Variants in ROBO2 observed in about 807,000 individuals in gnomAD.
ROBO2 encodes roundabout homolog 2.
Under a neutral mutation model 160.8 loss-of-function variants are expected in ROBO2, and 53 were observed. The ratio of observed to expected loss-of-function variants is 0.33; its 90% CI spans 0.26 to 0.41. The LOEUF is 0.41. Among genes scored for constraint, ROBO2 ranks in the 10% least tolerant of loss-of-function variants. ROBO2 has a pLI of 1.00. For missense variants in ROBO2, 1,577 were observed against 1,722.4 expected (o/e 0.92, Z 1.49); for synonymous variants, 664 against 611.7 (o/e 1.09, Z -1.26).
intron 2 of ROBO2, among the ~76,000 whole-genome samples, chr3:76,281,896 T>C (rs2107671321): frequency 6.6e-6 from 1 of 152,014 alleles, no homozygotes; most frequent in South Asian, 2.1e-4. Context: ...AGATAAAGTG[T>C]TCTCTGGTCT....
chr3:76,370,053 A>G (rs1576724632), intron 2 of ROBO2, among the ~76,000 whole-genome samples: 1 of 152,084 alleles, frequency 6.6e-6, no homozygotes. Flanking sequence ...AGTGTTTTTA[A>G]TGAAATAGAA....
intron 2 of ROBO2, among the ~76,000 whole-genome samples, chr3:77,392,778 AT>A (rs981526533): frequency 6.6e-6 from 1 of 152,160 alleles, no homozygotes; most frequent in African/African-American, 2.4e-5. Context: ...ACATAGTACT[AT>A]TTTTTTATTC....
intron 2 of ROBO2, among the ~76,000 whole-genome samples, chr3:76,822,427 T>C (rs1466042180): frequency 6.6e-6 from 1 of 152,032 alleles, no homozygotes; most frequent in Non-Finnish European, 1.5e-5. Context: ...AAAGAACTTA[T>C]GAGTTTCATT....
rs76145467 is a variant in ROBO2, at chr3:77,497,351, A to C, written c.806+3969A>C. Among the ~76,000 whole-genome samples, 1,120 of 152,240 alleles carry C rather than the reference A, an allele frequency of 7.4e-3. 15 individuals are homozygous for C. Among genetic ancestry groups the C allele is most frequent in the African/African-American group, 0.024 (981 of 41,574 alleles). On this transcript the variant is annotated intron_variant, in intron 5 of 25. Transcript: ENST00000461745. Reference sequence around the variant, plus strand: ...AAGTGAAAGGCATTTTATAGTTTATAATGATTATGATTTTTGAAGCACATT... The same window carrying C: ...AAGTGAAAGGCATTTTATAGTTTATCATGATTATGATTTTTGAAGCACATT...
intron 2 of ROBO2, among the ~76,000 whole-genome samples, chr3:76,614,810 T>TTAAC (rs2088437625): frequency 6.6e-6 from 1 of 152,158 alleles, no homozygotes; most frequent in South Asian, 2.1e-4. Context: ...TCACGGGTTA[T>TTAAC]TAACTGTACT....
chr3:76,237,953 G>A (rs1253878586), intron 2 of ROBO2, among the ~76,000 whole-genome samples: 6 of 152,130 alleles, frequency 3.9e-5, no homozygotes, highest in African/African-American at 1.4e-4. Context: ...TGTGTAGCTG[G>A]TGGGGACCTG....
intron 2 of ROBO2, among the ~76,000 whole-genome samples, chr3:75,978,862 T>TG (rs1297207080): frequency 6.6e-6 from 1 of 151,602 alleles, no homozygotes; most frequent in African/African-American, 2.4e-5. Context: ...ATCACTGGAA[T>TG]GGAGCGAAGT....
At position 77,040,876 on chromosome 3, in the gene ROBO2, G is replaced by T. The variant is rs1250747333; in HGVS notation, c.61+30G>T. ...GTTAAAAATGCTTTCATCTTTTTTT[G>T]CGCCCCCCACCCCCCAATCCCCCAA... On this transcript the variant is annotated intron_variant, in intron 1 of 25. Coordinates refer to ENST00000461745, the Ensembl canonical transcript of ROBO2. 2.5e-6 allele frequency: 4 copies of T among 1,612,550 alleles called. No individual in the cohort carries two copies. In the East Asian group the frequency reaches 8.9e-5, roughly 36 times the overall value.
intron 2 of ROBO2, among the ~76,000 whole-genome samples, chr3:76,934,883 A>C (rs2077586040): frequency 6.6e-6 from 1 of 152,138 alleles, no homozygotes; most frequent in Admixed American, 6.6e-5. Flanking sequence ...CAAAATAAAA[A>C]TTTAAGCCCT....
At chr3:76,530,749 A>G (rs1470446857) in intron 2 of ROBO2, among the ~76,000 whole-genome samples, 1 of 152,212 alleles carries the variant, frequency 6.6e-6, no homozygotes, top group African/African-American at 2.4e-5. Flanking sequence ...AGAGTTTGGG[A>G]AAATTATAAT....
chr3:77,414,377 A>G (rs896314739), intron 2 of ROBO2, among the ~76,000 whole-genome samples: 2 of 152,244 alleles, frequency 1.3e-5, no homozygotes, highest in Non-Finnish European at 2.9e-5. Flanking sequence ...ATAGCAGGTA[A>G]TGATACCACA....
At chr3:76,071,717 T>C (rs6780798) in intron 2 of ROBO2, among the ~76,000 whole-genome samples, 1 of 151,858 alleles carries the variant, frequency 6.6e-6, no homozygotes, top group Non-Finnish European at 1.5e-5. Context: ...ACTAAGAGAA[T>C]TGGAAAACAC....
chr3:76,373,363 G>A (rs2108496554), intron 2 of ROBO2, among the ~76,000 whole-genome samples: 1 of 152,030 alleles, frequency 6.6e-6, no homozygotes, highest in Non-Finnish European at 1.5e-5. Context: ...TCAGCACACT[G>A]CATTTAAACA....
chr3:76,880,563 T>C (rs2073233895), intron 2 of ROBO2, among the ~76,000 whole-genome samples: 1 of 152,188 alleles, frequency 6.6e-6, no homozygotes, highest in East Asian at 1.9e-4. Flanking sequence ...CATGTTAGTA[T>C]GGTTTTTAAC....
At chr3:76,341,300 C>A (rs536408861) in intron 2 of ROBO2, among the ~76,000 whole-genome samples, 2 of 151,734 alleles carry the variant, frequency 1.3e-5, no homozygotes, top group Non-Finnish European at 2.9e-5. Flanking sequence ...CTCTTTCCTG[C>A]AGTGATACAG....
At chr3:77,271,220 C>T (rs1273074344) in intron 2 of ROBO2, among the ~76,000 whole-genome samples, 1 of 152,134 alleles carries the variant, frequency 6.6e-6, no homozygotes, top group Non-Finnish European at 1.5e-5. Flanking sequence ...ATTATCTCCT[C>T]TGCCTTGAAG....
chr3:76,713,749 T>C (rs2093337355), intron 2 of ROBO2, among the ~76,000 whole-genome samples: 1 of 152,154 alleles, frequency 6.6e-6, no homozygotes, highest in African/African-American at 2.4e-5. Context: ...TATTCAACAT[T>C]AACAACATGC....
At chr3:76,280,820 C>T (rs748012164) in intron 2 of ROBO2, among the ~76,000 whole-genome samples, 1 of 151,896 alleles carries the variant, frequency 6.6e-6, no homozygotes, top group Non-Finnish European at 1.5e-5. Context: ...GTGTCTGGTT[C>T]AAAATTCCAT....
chr3:76,562,682 A>AT (rs1334327272), intron 2 of ROBO2, among the ~76,000 whole-genome samples: 4 of 152,116 alleles, frequency 2.6e-5, no homozygotes, highest in Admixed American at 2.0e-4. Flanking sequence ...TCTGCCATTC[A>AT]TTTTTATCTG....
Sources: allele counts gnomAD v4.1 joint callset (sites outside exome capture counted in the v4.1 genomes callset), GRCh38; gene constraint gnomAD v4.1.1; transcripts MANE v1.5; gene names NCBI Gene and HGNC (gene_info 2026-07-23, HGNC 2026-07-21).